PDGFC: variants seen among roughly 807,000 people sequenced by gnomAD.
PDGFC encodes platelet derived growth factor C, also known as platelet-derived growth factor C.
PDGFC carries 12 observed loss-of-function variants against 35.5 expected under a neutral mutation model. That is an observed-to-expected ratio of 0.34 (90% confidence interval 0.22 to 0.55). The LOEUF is 0.55. Ranked by LOEUF, PDGFC falls within the 20% of genes least tolerant of loss-of-function variation. PDGFC has a pLI of 0.91. For missense variants in PDGFC, 322 were observed against 412.4 expected (o/e 0.78, Z 1.90); for synonymous variants, 159 against 148.8 (o/e 1.07, Z -0.50).
chr4:156,822,131 G>A (rs575970947), intron 2 of PDGFC, among the ~76,000 whole-genome samples: 5 of 152,132 alleles, frequency 3.3e-5, no homozygotes, highest in East Asian at 1.9e-4. Context: ...AGGCCAAGGC[G>A]GGTAGATCAC....
intron 2 of PDGFC, among the ~76,000 whole-genome samples, chr4:156,830,249 TA>T (rs59515143): frequency 0.03 from 4,220 of 142,518 alleles, 169 homozygotes; most frequent in African/African-American, 0.093. Flanking sequence ...GGAATTGCAT[TA>T]AAAAAAAAAA....
chr4:156,787,912 C>G (rs1286725733), intron 3 of PDGFC, among the ~76,000 whole-genome samples: 1 of 151,864 alleles, frequency 6.6e-6, no homozygotes, highest in Admixed American at 6.6e-5. Flanking sequence ...AGAAATAATG[C>G]CAGAGGCTTG....
At chr4:156,824,802 C>T (rs905544609) in intron 2 of PDGFC, among the ~76,000 whole-genome samples, 2 of 152,132 alleles carry the variant, frequency 1.3e-5, no homozygotes, top group African/African-American at 4.8e-5. Context: ...CCTCTCTCTT[C>T]TAGGGACCAC....
At chr4:156,782,863 T>C (rs1448654694) in intron 3 of PDGFC, among the ~76,000 whole-genome samples, 2 of 152,190 alleles carry the variant, frequency 1.3e-5, no homozygotes, top group African/African-American at 4.8e-5. Context: ...TAGACTATAT[T>C]ATACTCCTGT....
At chr4:156,958,399 G>C (rs1351925334) in intron 1 of PDGFC, among the ~76,000 whole-genome samples, 3 of 151,444 alleles carry the variant, frequency 2.0e-5, no homozygotes, top group African/African-American at 7.3e-5. Context: ...TGTTTTTTAA[G>C]ACTGTGAAGC....
In PDGFC at chr4:156,761,302, G is replaced by A. The variant is rs1730369938; in HGVS notation, c.*1788C>T. 2.0e-5 allele frequency: 3 copies of A among 152,228 alleles called. No individual in the cohort carries two copies. In the South Asian group the frequency reaches 6.2e-4, roughly 32 times the overall value. The allele number at this position is 152,228 out of a possible 1,614,324, so 9.4% of individuals were successfully genotyped here. ...TAGTTGCCAGTGACAATGAAGACAT[G>A]AGTGGAAACCTGCAAGTTTTTTTCC... On this transcript the variant is annotated 3_prime_UTR_variant, in exon 6 of 6. Transcript: ENST00000502773.
chr4:156,911,378 CT>C (rs1406332063), intron 1 of PDGFC, among the ~76,000 whole-genome samples: 7 of 152,020 alleles, frequency 4.6e-5, no homozygotes, highest in African/African-American at 1.4e-4. Flanking sequence ...CAAATTCCCC[CT>C]ATTCCTTGAC....
At chr4:156,767,311 CAA>C (rs1453910240) in intron 5 of PDGFC, among the ~76,000 whole-genome samples, 4 of 151,982 alleles carry the variant, frequency 2.6e-5, no homozygotes, top group African/African-American at 9.7e-5. Flanking sequence ...ATGAATAATA[CAA>C]AGTTTATTAT....
chr4:156,805,565 T>C (rs747725628), intron 3 of PDGFC, among the ~76,000 whole-genome samples: 1 of 152,136 alleles, frequency 6.6e-6, no homozygotes, highest in Non-Finnish European at 1.5e-5. Context: ...TATATTGCTC[T>C]AAGTATTTTT....
intron 1 of PDGFC, among the ~76,000 whole-genome samples, chr4:156,920,873 C>T (rs1388575576): frequency 6.6e-6 from 1 of 152,016 alleles, no homozygotes; most frequent in Non-Finnish European, 1.5e-5. Flanking sequence ...TTTGAATATG[C>T]CAAGGTAGGC....
At chr4:156,785,005 T>G (rs1158586191) in intron 3 of PDGFC, among the ~76,000 whole-genome samples, 1 of 152,222 alleles carries the variant, frequency 6.6e-6, no homozygotes, top group African/African-American at 2.4e-5. Context: ...AAATAAATGA[T>G]TACACTTTAT....
chr4:156,889,151 A>C (rs1012205898), intron 1 of PDGFC, among the ~76,000 whole-genome samples: 2 of 152,188 alleles, frequency 1.3e-5, no homozygotes, highest in African/African-American at 4.8e-5. Flanking sequence ...TTGCCCAGAC[A>C]GAGGCCTACC....
chr4:156,850,363 T>C lies in PDGFC; in HGVS notation c.172A>G (p.Ile58Val), dbSNP rs763240700. The change falls in exon 2 of 6, where the codon ATT becomes GTT. Residue 58 changes from isoleucine (I) to valine (V), a missense_variant. Physicochemically the swap from Ile to Val is conservative, Grantham distance 29. Coordinates refer to ENST00000502773, the MANE Select transcript of PDGFC (RefSeq NM_016205.3). ...RIITVSTNGS[I>V]HSPRFPHTYP... ...GTATGAGGAAACCTTGGGCTGTGAA[T>C]ACTTCCATTAGTAGACACAGTAATA... 4 of 1,608,598 alleles carry C rather than the reference T, an allele frequency of 2.5e-6. No homozygotes were observed. The highest frequency in any genetic ancestry group is 3.4e-6 in the Non-Finnish European group (4 of 1,176,668).
At chr4:156,827,416 C>CAAAA (rs532548640) in intron 2 of PDGFC, among the ~76,000 whole-genome samples, 11 of 126,320 alleles carry the variant, frequency 8.7e-5, no homozygotes, top group African/African-American at 3.3e-4. Flanking sequence ...GACTCCATCT[C>CAAAA]AAAAAAAAAA....
intron 2 of PDGFC, among the ~76,000 whole-genome samples, chr4:156,811,571 T>C (rs1213224878): frequency 6.6e-6 from 1 of 152,094 alleles, no homozygotes; most frequent in Non-Finnish European, 1.5e-5. Flanking sequence ...TCTTTCTCGT[T>C]TTGATAAACA....
chr4:156,910,262 C>T (rs1731008435), intron 1 of PDGFC, among the ~76,000 whole-genome samples: 1 of 152,156 alleles, frequency 6.6e-6, no homozygotes, highest in Admixed American at 6.5e-5. Context: ...AAATAGTGCA[C>T]AATGTCCCTT....
At chr4:156,764,908 C>A (rs1394343581) in intron 5 of PDGFC, among the ~76,000 whole-genome samples, 6 of 152,064 alleles carry the variant, frequency 3.9e-5, no homozygotes, top group African/African-American at 1.4e-4. Flanking sequence ...ATTCCTATGT[C>A]CACCTGTATG....
At chr4:156,799,339 T>TC (rs1731533532) in intron 3 of PDGFC, among the ~76,000 whole-genome samples, 1 of 151,954 alleles carries the variant, frequency 6.6e-6, no homozygotes, top group African/African-American at 2.4e-5. Flanking sequence ...TCTTGGAAAT[T>TC]CCCCCCTCAG....
intron 1 of PDGFC, among the ~76,000 whole-genome samples, chr4:156,866,000 C>T (rs2111127245): frequency 6.6e-6 from 1 of 152,142 alleles, no homozygotes; most frequent in African/African-American, 2.4e-5. Context: ...TACATGTGCA[C>T]AACGTGCAGG....
Sources: allele counts gnomAD v4.1 joint callset (sites outside exome capture counted in the v4.1 genomes callset), GRCh38; gene constraint gnomAD v4.1.1; transcripts MANE v1.5; gene names NCBI Gene and HGNC (gene_info 2026-07-23, HGNC 2026-07-21).